The following CTNNA3 variants were observed in gnomAD, a reference collection of about 807,000 sequenced individuals.
The protein encoded by CTNNA3 is catenin alpha-3.
CTNNA3 carries 76 observed loss-of-function variants against 95.7 expected under a neutral mutation model. The ratio of observed to expected loss-of-function variants is 0.79; its 90% CI spans 0.66 to 0.96. The LOEUF (loss-of-function observed/expected upper bound fraction) is 0.96, where lower values mean the gene tolerates loss of function less well. Ranked by LOEUF, CTNNA3 falls within the 40% of genes least tolerant of loss-of-function variation. The pLI is 0.00. For missense variants in CTNNA3, 1,191 were observed against 1,089.8 expected (o/e 1.09, Z -1.31); for synonymous variants, 431 against 374.4 (o/e 1.15, Z -1.74).
At chr10:67,477,287 CCTGCCAT>C in intron 5 of CTNNA3, among the ~76,000 whole-genome samples, 1 of 152,148 alleles carries the variant, frequency 6.6e-6, no homozygotes, top group Admixed American at 6.5e-5. Flanking sequence ...GATGTTTGTA[CCTGCCAT>C]CAGGAAACCT....
intron 9 of CTNNA3, among the ~76,000 whole-genome samples, chr10:66,650,803 TC>T (rs1463054828): frequency 1.3e-5 from 2 of 152,152 alleles, no homozygotes; most frequent in African/African-American, 4.8e-5. Context: ...CTCGCTGGCT[TC>T]AGGAGTGAAG....
chr10:67,133,378 T>TATATATATATACAC (rs1177119156), intron 7 of CTNNA3, among the ~76,000 whole-genome samples: 5 of 133,936 alleles, frequency 3.7e-5, no homozygotes, highest in African/African-American at 1.4e-4. Context: ...TATATATATA[T>TATATATATATACAC]ACACACACAC....
chr10:66,305,409 G>A (rs2091918749), intron 12 of CTNNA3, among the ~76,000 whole-genome samples: 2 of 152,144 alleles, frequency 1.3e-5, no homozygotes, highest in Non-Finnish European at 2.9e-5. Context: ...GGAAAAAAAG[G>A]TGAAGCAGTC....
intron 5 of CTNNA3, among the ~76,000 whole-genome samples, chr10:67,297,818 C>A (rs570345493): frequency 6.6e-6 from 1 of 152,330 alleles, no homozygotes; most frequent in African/African-American, 2.4e-5. Flanking sequence ...AGGTCACATA[C>A]TTTGCATCCT....
chr10:66,147,214 A>AT, intron 13 of CTNNA3, among the ~76,000 whole-genome samples: 1 of 152,276 alleles, frequency 6.6e-6, no homozygotes, highest in East Asian at 1.9e-4. Flanking sequence ...TATCTCTGTA[A>AT]TAGTGAACTT....
intron 2 of CTNNA3, among the ~76,000 whole-genome samples, chr10:67,638,734 C>G (rs1839415381): frequency 6.6e-6 from 1 of 152,180 alleles, no homozygotes; most frequent in African/African-American, 2.4e-5. Flanking sequence ...TACATGGAAA[C>G]TGAACAACCT....
chr10:66,115,148 G>C (rs2082275540), intron 13 of CTNNA3, among the ~76,000 whole-genome samples: 1 of 152,186 alleles, frequency 6.6e-6, no homozygotes, highest in Non-Finnish European at 1.5e-5. Flanking sequence ...CAGTGGGGTA[G>C]TATAGCTGGC....
At chr10:67,545,662 A>G (rs921990645) in intron 3 of CTNNA3, among the ~76,000 whole-genome samples, 1 of 152,164 alleles carries the variant, frequency 6.6e-6, no homozygotes, top group African/African-American at 2.4e-5. Context: ...GCAGTTAGGT[A>G]GCTTCGCAAG....
chr10:66,673,316 C>T (rs539701711), intron 9 of CTNNA3, among the ~76,000 whole-genome samples: 55 of 152,140 alleles, frequency 3.6e-4, no homozygotes, highest in African/African-American at 8.7e-4. Context: ...AGACATATTA[C>T]ATACATTAAT....
At chr10:66,184,390 A>G (rs1045721045) in intron 13 of CTNNA3, among the ~76,000 whole-genome samples, 3 of 152,226 alleles carry the variant, frequency 2.0e-5, no homozygotes, top group Non-Finnish European at 2.9e-5. Context: ...TTTGTTTAGT[A>G]AAACTTTCTC....
intron 5 of CTNNA3, among the ~76,000 whole-genome samples, chr10:67,239,980 A>C (rs1023449076): frequency 4.6e-5 from 7 of 152,230 alleles, no homozygotes; most frequent in African/African-American, 1.4e-4. Context: ...GAACCGTTGG[A>C]CAAACCTGCA....
chr10:66,502,400 C>A (rs946311607), intron 11 of CTNNA3, among the ~76,000 whole-genome samples: 15 of 152,044 alleles, frequency 9.9e-5, no homozygotes, highest in African/African-American at 3.4e-4. Flanking sequence ...AAGTAGAGAT[C>A]ATAAAATATA....
At chr10:67,094,329 T>C (rs1252172976) in intron 7 of CTNNA3, among the ~76,000 whole-genome samples, 1 of 151,924 alleles carries the variant, frequency 6.6e-6, no homozygotes, top group Non-Finnish European at 1.5e-5. Flanking sequence ...AGCATAGCCT[T>C]TTAATGTCAT....
intron 13 of CTNNA3, among the ~76,000 whole-genome samples, chr10:66,129,116 T>C (rs1485727925): frequency 6.6e-6 from 1 of 152,020 alleles, no homozygotes; most frequent in Non-Finnish European, 1.5e-5. Context: ...AATACAAAAT[T>C]AGCTGGGCGT....
chr10:66,141,231 C>T (rs1332280258), intron 13 of CTNNA3, among the ~76,000 whole-genome samples: 1 of 149,906 alleles, frequency 6.7e-6, no homozygotes, highest in Non-Finnish European at 1.5e-5. Flanking sequence ...TTGACTCTAG[C>T]CTGGCAATAG....
intron 1 of CTNNA3, among the ~76,000 whole-genome samples, chr10:67,744,633 A>G (rs1279858226): frequency 6.6e-6 from 1 of 151,198 alleles, no homozygotes; most frequent in East Asian, 1.9e-4. Context: ...CAATGGCAAC[A>G]AAAGCCAAAA....
At chr10:66,088,735 T>C (rs1037788038) in intron 14 of CTNNA3, among the ~76,000 whole-genome samples, 1 of 152,114 alleles carries the variant, frequency 6.6e-6, no homozygotes, top group African/African-American at 2.4e-5. Context: ...ATATTAACAA[T>C]CTTTTCATGT....
chr10:67,399,003 GA>G lies in CTNNA3; in HGVS notation c.579+122838del, dbSNP rs140840325. On this transcript the variant is annotated intron_variant, in intron 5 of 17. Transcript: ENST00000433211. ...AGATATGTCTTTATTAGCAGCATGAGAACAGAACGAATACACTATTCATTAA... is the reference window on the plus strand; with the variant it reads ...AGATATGTCTTTATTAGCAGCATGAGACAGAACGAATACACTATTCATTAA... 5.3e-3 allele frequency among the ~76,000 whole-genome samples: 806 copies of G among 151,988 alleles called. 7 individuals carry two copies. The highest frequency in any genetic ancestry group is 0.018 in the African/African-American group (756 of 41,550).
chr10:67,486,263 G>C (rs1848444852), intron 5 of CTNNA3, among the ~76,000 whole-genome samples: 1 of 152,158 alleles, frequency 6.6e-6, no homozygotes, highest in African/African-American at 2.4e-5. Context: ...AGGTCTTTTT[G>C]TATATGTCAC....
Sources: allele counts gnomAD v4.1 joint callset (sites outside exome capture counted in the v4.1 genomes callset), GRCh38; gene constraint gnomAD v4.1.1; transcripts MANE v1.5; gene names NCBI Gene and HGNC (gene_info 2026-07-23, HGNC 2026-07-21).